TRPM2: variants seen among roughly 807,000 people sequenced by gnomAD.
The protein encoded by TRPM2 is estrogen-responsive element-associated gene 1 protein.
TRPM2 carries 161 observed loss-of-function variants against 174.0 expected under a neutral mutation model. The ratio of observed to expected loss-of-function variants is 0.93; its 90% CI spans 0.81 to 1.05. The LOEUF is 1.05. TRPM2 is among the 50% of genes least tolerant of loss of function. TRPM2 has a pLI of 0.00. For synonymous variants in TRPM2, 954 were observed against 861.3 expected, an observed-to-expected ratio of 1.11 and a Z score of -1.88; for missense variants, 2,057 against 2,038.0, an observed-to-expected ratio of 1.01 and a Z score of -0.18.
rs1263131235 is a variant in TRPM2, at chr21:44,414,090, G to A, written c.3146+16G>A. The A allele has an allele frequency of 6.2e-7, 1 of 1,604,204 alleles. No individual in the cohort carries two copies. The highest frequency in any genetic ancestry group is 8.5e-7 in the Non-Finnish European group (1 of 1,174,790). ...CCATGTTCAAGTGAGCGCCTGGGTG[G>A]GGCTGGCGTGCAGGTGGGTGGGTGG... is the stretch of plus-strand genomic sequence containing the variant. On this transcript the variant is annotated intron_variant, in intron 20 of 31. Coordinates refer to ENST00000397928, the MANE Select transcript of TRPM2 (RefSeq NM_003307.4).
chr21:44,407,113 T>C (rs377404206), intron 19 of TRPM2, among the ~76,000 whole-genome samples: 4 of 25,164 alleles, frequency 1.6e-4, no homozygotes, highest in Non-Finnish European at 3.0e-4. Flanking sequence ...TTCCTTCTTC[T>C]CTTGATGGAA....
At chr21:44,412,285 T>C (rs2146323922) in intron 19 of TRPM2, among the ~76,000 whole-genome samples, 1 of 152,330 alleles carries the variant, frequency 6.6e-6, no homozygotes, top group African/African-American at 2.4e-5. Context: ...GTTATAGGTC[T>C]ATTTATATTT....
rs760168386 is a variant in TRPM2, at chr21:44,406,653, G to A, written c.2850G>A (p.Val950=). 1 of 1,610,534 alleles carries A rather than the reference G, an allele frequency of 6.2e-7. No homozygotes were observed. Among genetic ancestry groups the A allele is most frequent in the South Asian group, 1.1e-5 (1 of 90,986 alleles). The change falls in exon 19 of 32, where the codon GTG becomes GTA. Residue 950 remains valine (V), a synonymous_variant. Transcript: ENST00000397928. ...CTGTGTGGGTGGTGTCCTTCGGGGT[G>A]GCCAAGCAGGCCATCCTCATCCACA... The part of the protein sequence containing the change: ...LLAVWVVSFG[V]AKQAILIHNE...
intron 2 of TRPM2, among the ~76,000 whole-genome samples, chr21:44,356,278 TAG>T (rs1339319771): frequency 6.0e-5 from 9 of 151,034 alleles, no homozygotes; most frequent in African/African-American, 1.7e-4. Flanking sequence ...GGGCTGGATG[TAG>T]AGACAGTGAT....
chr21:44,413,066 C>T (rs2050156113), intron 19 of TRPM2, among the ~76,000 whole-genome samples: 1 of 151,960 alleles, frequency 6.6e-6, no homozygotes, highest in African/African-American at 2.4e-5. Context: ...AAGCTGTTTC[C>T]ATATTCAATA....
At chr21:44,374,883 C>T (rs2048649655) in intron 5 of TRPM2, among the ~76,000 whole-genome samples, 1 of 152,142 alleles carries the variant, frequency 6.6e-6, no homozygotes, top group African/African-American at 2.4e-5. Context: ...GCAACAAAGC[C>T]CTCTCTGCCC....
chr21:44,397,588 G>A (rs1220627576), intron 12 of TRPM2, among the ~76,000 whole-genome samples, 159 bp from the exon 13 acceptor site: 1 of 152,146 alleles, frequency 6.6e-6, no homozygotes, highest in East Asian at 1.9e-4. Flanking sequence ...ACTGGGGTGG[G>A]GCTTAAGTTG....
rs369370838 is a variant in TRPM2, at chr21:44,356,125, AC to A, written c.254+1392del. On this transcript the variant is annotated intron_variant, in intron 2 of 31. Transcript: ENST00000397928. ...TTTGGGAGGCCGAGGCAGGTGATCC[AC>A]CCGCCTCGGCCTCCCAAAGTGCTGG... Among the ~76,000 whole-genome samples the A allele has an allele frequency of 7.9e-4, 97 of 123,128 alleles. 1 individual carries two copies. The East Asian group carries it at 0.027, about 35-fold the overall frequency. The allele number at this position is 123,128 out of a possible 152,430, so 80.8% of individuals were successfully genotyped here. A position where few individuals can be genotyped will look rare whatever the true frequency, so the allele number is the denominator to read the frequency against.
At chr21:44,381,940 TGATAGATAGATGGATAGATAGATAGATA>T (rs904099346) in intron 8 of TRPM2, among the ~76,000 whole-genome samples, 18 of 131,200 alleles carry the variant, frequency 1.4e-4, no homozygotes, top group Non-Finnish European at 2.6e-4. Context: ...TGAATTGATA[TGATAGATAGATGGATAGATAGATAGATA>T]GATAGATAGA....
intron 18 of TRPM2, among the ~76,000 whole-genome samples, chr21:44,406,389 C>T (rs957302121): frequency 2.6e-5 from 4 of 152,118 alleles, no homozygotes; most frequent in African/African-American, 7.2e-5. Flanking sequence ...TGTCTGACCC[C>T]TCTTGCACTT....
chr21:44,415,875 T>C (rs1307458263), intron 20 of TRPM2: 4 of 152,090 alleles, frequency 2.6e-5, no homozygotes, highest in Non-Finnish European at 1.5e-5. Context: ...GGGGTTCTGT[T>C]TTGCTCTTGC....
At position 44,423,553 on chromosome 21, in the gene TRPM2, G is replaced by A. The variant is rs45548331; in HGVS notation, c.3462-92G>A. The stretch of plus-strand genomic sequence containing the variant: ...CAAAGGCTGACACAGGGCCTTGGTG[G>A]CTGCATCTGGCAGGGCTGTCTGCAG... On this transcript the variant is annotated intron_variant, in intron 22 of 31. Transcript: ENST00000397928. 948 of 1,040,354 alleles carry A rather than the reference G, an allele frequency of 9.1e-4. 5 individuals carry two copies. In the African/African-American group the frequency reaches 0.014, roughly 15 times the overall value. 64.4% of individuals were successfully genotyped at this position (1,040,354 alleles called of 1,614,324 possible).
intron 9 of TRPM2, among the ~76,000 whole-genome samples, chr21:44,390,349 G>C (rs1410022769): frequency 6.6e-6 from 1 of 152,106 alleles, no homozygotes; most frequent in Non-Finnish European, 1.5e-5. Flanking sequence ...GTGAGGTAAG[G>C]GTCAAAGTTC....
At position 44,366,384 on chromosome 21, in the gene TRPM2, C is replaced by CG. The variant is rs1213015365; in HGVS notation, c.424-365dup. On this transcript the variant is annotated intron_variant, in intron 3 of 31. Coordinates refer to ENST00000397928, the MANE Select transcript of TRPM2 (RefSeq NM_003307.4). This position sits in a 1 kb window ranked among gnomAD's most constrained non-coding sequence, Gnocchi z 6.0. ...CCCCGGTGCAGGAGCTGATTAGACC[C>CG]GGGGGAGGCAGGGCCCAGGCGCTAC... 2.0e-5 allele frequency among the ~76,000 whole-genome samples: 3 copies of CG among 150,664 alleles called. No homozygotes were observed. Among genetic ancestry groups the CG allele is most frequent in the African/African-American group, 7.5e-5 (3 of 40,056 alleles).
intron 16 of TRPM2, among the ~76,000 whole-genome samples, chr21:44,403,935 TATACAC>T: frequency 7.0e-6 from 1 of 142,560 alleles, no homozygotes; most frequent in East Asian, 2.1e-4. Flanking sequence ...ATGTACACAA[TATACAC>T]ATACACATAT....
chr21:44,391,067 C>A lies in TRPM2; in HGVS notation c.1440+42C>A, dbSNP rs753872248. Reference sequence around the variant, plus strand: ...ACCCCGTGGAGGGGCCTACTGGGCCCACATGCATTGCACCACTGAAGCAAG... The same window carrying A: ...ACCCCGTGGAGGGGCCTACTGGGCCAACATGCATTGCACCACTGAAGCAAG... On this transcript the variant is annotated intron_variant, in intron 10 of 31. Coordinates refer to ENST00000397928, the MANE Select transcript of TRPM2 (RefSeq NM_003307.4). The surrounding 1 kb of genome is among the most constrained non-coding windows in gnomAD (Gnocchi z 5.0). 6.2e-7 allele frequency: 1 copy of A among 1,612,144 alleles called. No homozygotes were observed. Among genetic ancestry groups the A allele is most frequent in the Non-Finnish European group, 8.5e-7 (1 of 1,179,150 alleles).
chr21:44,356,965 G>A (rs569119131), intron 2 of TRPM2, among the ~76,000 whole-genome samples: 40 of 152,198 alleles, frequency 2.6e-4, no homozygotes, highest in Admixed American at 7.9e-4. Context: ...AATGGGCAGC[G>A]AGGATAACCA....
chr21:44,402,000 C>A, intron 16 of TRPM2, 103 bp downstream of exon 16: 2 of 1,312,190 alleles, frequency 1.5e-6, no homozygotes, highest in Non-Finnish European at 2.2e-6. Flanking sequence ...CTAGCCTGCC[C>A]AGCTCCCTGC....
chr21:44,363,664 C>T (rs954068626), intron 2 of TRPM2, among the ~76,000 whole-genome samples: 9 of 152,142 alleles, frequency 5.9e-5, no homozygotes, highest in Admixed American at 4.6e-4. Flanking sequence ...GTCATCTTGG[C>T]GTTGGTGGCT....
Sources: allele counts gnomAD v4.1 joint callset (sites outside exome capture counted in the v4.1 genomes callset), GRCh38; gene constraint gnomAD v4.1.1; non-coding constraint Gnocchi (gnomAD v3.1); transcripts MANE v1.5; gene names NCBI Gene and HGNC (gene_info 2026-07-23, HGNC 2026-07-21).